PDIA6: variants seen among roughly 807,000 people sequenced by gnomAD.
PDIA6 encodes protein disulfide-isomerase A6.
Under a neutral mutation model 58.4 loss-of-function variants are expected in PDIA6, and 29 were observed. The observed-to-expected ratio is 0.50, with a 90% CI of 0.37 to 0.68. The LOEUF (loss-of-function observed/expected upper bound fraction) is 0.68, where lower values mean the gene tolerates loss of function less well. Ranked by LOEUF, PDIA6 falls within the 30% of genes least tolerant of loss-of-function variation. The pLI is 0.00. For missense variants in PDIA6, 480 were observed against 551.0 expected (o/e 0.87, Z 1.29); for synonymous variants, 192 against 202.6 (o/e 0.95, Z 0.44).
intron 1 of PDIA6, among the ~76,000 whole-genome samples, chr2:10,829,384 C>T (rs1667643192): frequency 6.6e-6 from 1 of 152,236 alleles, no homozygotes; most frequent in Non-Finnish European, 1.5e-5. Context: ...CAGGTGGGCT[C>T]TGCCCTGCTT....
chr2:10,789,674 G>C (rs1665942431), intron 8 of PDIA6, 75 bp downstream of exon 8: 2 of 1,347,158 alleles, frequency 1.5e-6, no homozygotes, highest in African/African-American at 1.4e-5. Context: ...AATGAACAGT[G>C]TGTCACACTG....
chr2:10,796,383 C>T (rs1666269485), intron 4 of PDIA6, among the ~76,000 whole-genome samples: 1 of 151,572 alleles, frequency 6.6e-6, no homozygotes. Context: ...AATAACAAGA[C>T]AATTCTCTAA....
At chr2:10,829,862 G>A (rs10170428) in intron 1 of PDIA6, among the ~76,000 whole-genome samples, 7,998 of 152,210 alleles carry the variant, frequency 0.053, 720 homozygotes, top group African/African-American at 0.18. Flanking sequence ...CCACCTAAAA[G>A]TGGCATAAAT....
chr2:10,793,283 T>C (rs1485720433), intron 4 of PDIA6, 81 bp from the exon 5 acceptor site: 3 of 886,230 alleles, frequency 3.4e-6, no homozygotes, highest in Non-Finnish European at 5.6e-6. Context: ...ACTGTGTCTT[T>C]ACCTCACTGT....
chr2:10,812,824 G>A (rs1237800696), upstream of PDIA6: 7 of 1,181,384 alleles, frequency 5.9e-6, no homozygotes, highest in Non-Finnish European at 6.3e-6. Context: ...GCGGCCGCGC[G>A]GGGGCGGGCC....
chr2:10,796,765 A>C (rs1049734344), intron 4 of PDIA6, among the ~76,000 whole-genome samples: 1 of 152,224 alleles, frequency 6.6e-6, no homozygotes, highest in Non-Finnish European at 1.5e-5. Flanking sequence ...GATTAGAGCA[A>C]GAAAATACAT....
chr2:10,832,017 A>AG (rs952944586), intron 1 of PDIA6, among the ~76,000 whole-genome samples: 10 of 8,312 alleles, frequency 1.2e-3, no homozygotes, highest in Admixed American at 8.4e-3. Flanking sequence ...ACCCTGTCTC[A>AG]AAAAAAAAAA....
At chr2:10,797,320 G>T in intron 3 of PDIA6, 113 bp from the exon 4 acceptor site, 1 of 1,044,250 alleles carries the variant, frequency 9.6e-7, no homozygotes, top group Non-Finnish European at 1.4e-6. Flanking sequence ...ACAGGGTGCA[G>T]TTTGCAATCA....
upstream of PDIA6, among the ~76,000 whole-genome samples, chr2:10,816,629 C>T (rs1398519556): frequency 5.3e-5 from 8 of 150,248 alleles, no homozygotes; most frequent in African/African-American, 2.0e-4. Flanking sequence ...AATTTTCTTG[C>T]GATTGGACTC....
chr2:10,793,385 T>G (rs991064470), intron 4 of PDIA6, among the ~76,000 whole-genome samples, 183 bp from the exon 5 acceptor site: 9 of 152,210 alleles, frequency 5.9e-5, no homozygotes, highest in Admixed American at 5.9e-4. Flanking sequence ...AACTTAACAC[T>G]TGGAAAACCA....
chr2:10,835,791 C>G (rs1391069079), upstream of PDIA6, among the ~76,000 whole-genome samples: 10 of 152,304 alleles, frequency 6.6e-5, no homozygotes, highest in South Asian at 1.9e-3. Flanking sequence ...GTGGCTCACG[C>G]CTGTAACCCA....
At chr2:10,824,001 C>A (rs1362422368) in intron 1 of PDIA6, among the ~76,000 whole-genome samples, 1 of 152,186 alleles carries the variant, frequency 6.6e-6, no homozygotes, top group Admixed American at 6.5e-5. Context: ...TTGTAAGCAC[C>A]CACATCATGA....
At chr2:10,804,713 T>G (rs80041859) in intron 1 of PDIA6, among the ~76,000 whole-genome samples, 34,832 of 101,618 alleles carry the variant, frequency 0.34, 6,935 homozygotes, top group Middle Eastern at 0.52. Flanking sequence ...GTGAAGAAAG[T>G]CATTGGTAGC....
chr2:10,804,327 C>G lies in PDIA6; in HGVS notation c.20-1687G>C, dbSNP rs1666645170. Among the ~76,000 whole-genome samples, 3 of 147,364 alleles carry G rather than the reference C, an allele frequency of 2.0e-5. No individual in the cohort carries two copies. The Admixed American group carries it at 2.1e-4, about 10-fold the overall frequency. On this transcript the variant is annotated intron_variant, in intron 1 of 12. Transcript: ENST00000272227. The stretch of plus-strand genomic sequence containing the variant: ...TAGGTCTAACGTTTAAGTCTTTAAT[C>G]CATCTTGAATTGATTTTTGTATAAG...
upstream of PDIA6, among the ~76,000 whole-genome samples, chr2:10,836,960 T>C (rs997527536): frequency 6.6e-6 from 1 of 152,180 alleles, no homozygotes; most frequent in Non-Finnish European, 1.5e-5. Context: ...TTTCTGGCTT[T>C]TTGTCTTCTC....
intron 11 of PDIA6, 135 bp from the exon 12 acceptor site, chr2:10,785,165 T>A: frequency 3.1e-6 from 2 of 642,700 alleles, no homozygotes; most frequent in South Asian, 3.7e-5. Context: ...CTGCACTACA[T>A]TCCTCAGAAA....
At chr2:10,825,979 C>A (rs1003089393) in intron 1 of PDIA6, among the ~76,000 whole-genome samples, 1 of 152,186 alleles carries the variant, frequency 6.6e-6, no homozygotes, top group African/African-American at 2.4e-5. Flanking sequence ...TAGGCATCTA[C>A]CCAAGAAAAT....
intron 1 of PDIA6, among the ~76,000 whole-genome samples, chr2:10,824,173 C>A (rs1667483221): frequency 6.6e-6 from 1 of 151,292 alleles, no homozygotes; most frequent in African/African-American, 2.4e-5. Context: ...TGGTATGTAG[C>A]CCAGACTCTG....
At chr2:10,832,926 C>A (rs935924500), upstream of PDIA6, among the ~76,000 whole-genome samples, 2 of 151,298 alleles carry the variant, frequency 1.3e-5, no homozygotes, top group East Asian at 3.9e-4. Context: ...CACCCCCCGC[C>A]CCCCCAGCCA....
Sources: gnomAD v4.1 joint callset for allele counts (sites outside exome capture counted in the v4.1 genomes callset) on GRCh38, gnomAD v4.1.1 for gene constraint, MANE v1.5 for transcripts, NCBI Gene and HGNC (gene_info 2026-07-23, HGNC 2026-07-21) for gene names.